Variants in SRD5A1 observed in about 807,000 individuals in gnomAD.
The protein encoded by SRD5A1 is 3-oxo-5-alpha-steroid 4-dehydrogenase 1.
Under a neutral mutation model 28.2 loss-of-function variants are expected in SRD5A1, and 22 were observed. The ratio of observed to expected loss-of-function variants is 0.78; its 90% CI spans 0.56 to 1.12. The LOEUF is 1.12. Ranked by LOEUF, SRD5A1 falls within the 50% of genes most tolerant of loss-of-function variation. The pLI is 0.00. For synonymous variants in SRD5A1, 151 were observed against 135.0 expected, an observed-to-expected ratio of 1.12 and a Z score of -0.82; for missense variants, 300 against 346.7, an observed-to-expected ratio of 0.87 and a Z score of 1.07.
At chr5:6,641,220 C>T (rs1002173127) in intron 1 of SRD5A1, among the ~76,000 whole-genome samples, 19 of 152,174 alleles carry the variant, frequency 1.2e-4, no homozygotes, top group Non-Finnish European at 1.2e-4. Flanking sequence ...CAAGTGCTGT[C>T]GTCCCTCTAG....
At chr5:6,633,905 C>G (rs780507880) in intron 1 of SRD5A1, 36 bp downstream of exon 1, 14 of 1,590,354 alleles carry the variant, frequency 8.8e-6, no homozygotes, top group Non-Finnish European at 1.2e-5. Context: ...TACCCTACTC[C>G]CGGCCCGGCG....
intron 3 of SRD5A1, among the ~76,000 whole-genome samples, chr5:6,659,235 C>T (rs922032711): frequency 4.3e-4 from 65 of 151,982 alleles, no homozygotes; most frequent in Non-Finnish European, 2.6e-4. Context: ...TGCCTCAGCC[C>T]CCCGAGTAGC....
At chr5:6,637,633 T>C (rs895667581) in intron 1 of SRD5A1, among the ~76,000 whole-genome samples, 1 of 152,224 alleles carries the variant, frequency 6.6e-6, no homozygotes, top group Non-Finnish European at 1.5e-5. Flanking sequence ...CAGGGGATTG[T>C]CTCTGCATTG....
At chr5:6,640,661 C>T (rs1046534765) in intron 1 of SRD5A1, among the ~76,000 whole-genome samples, 3 of 152,054 alleles carry the variant, frequency 2.0e-5, no homozygotes, top group Admixed American at 6.6e-5. Flanking sequence ...CAGGCCAAAG[C>T]CTTGTTCTTT....
At chr5:6,649,044 C>T (rs761684395) in intron 1 of SRD5A1, among the ~76,000 whole-genome samples, 12 of 152,168 alleles carry the variant, frequency 7.9e-5, no homozygotes, top group Non-Finnish European at 1.5e-4. Flanking sequence ...CTGGGTATCA[C>T]CAGTGGAGGC....
intron 2 of SRD5A1, 117 bp from the exon 3 acceptor site, chr5:6,655,961 G>C (rs981901200): frequency 1.1e-5 from 8 of 740,298 alleles, no homozygotes; most frequent in Non-Finnish European, 1.8e-5. Flanking sequence ...TGGCTAATAT[G>C]TTACACTAAC....
At position 6,633,856 on chromosome 5, in the gene SRD5A1, C is replaced by A; in HGVS notation, c.280C>A (p.His94Asn). Residue 94 changes from histidine to asparagine, a missense_variant, in exon 1 of 5, where the codon CAC (histidine) becomes AAC (asparagine). His to Asn is a moderately conservative substitution (Grantham distance 68). This residue lies in a region of SRD5A1 where 174 missense variants were observed against 160.9 expected (regional missense o/e 1.08). Transcript: ENST00000274192. ...NCILLAMFLV[H>N]YGHRCLIYPF... ...CATCCTCCTGGCCATGTTCCTCGTCCACTACGGGCATCGGTAACGTCCCCG... is the reference window on the plus strand; with the variant it reads ...CATCCTCCTGGCCATGTTCCTCGTCAACTACGGGCATCGGTAACGTCCCCG... The A allele has an allele frequency of 6.3e-7, 1 of 1,597,142 alleles. No individual in the cohort carries two copies. Among genetic ancestry groups the A allele is most frequent in the Non-Finnish European group, 8.5e-7 (1 of 1,179,392 alleles).
Position 6,649,746 on chromosome 5 carries a change from G to A in SRD5A1, c.294-2096G>A, listed in dbSNP as rs1024796653. Among the ~76,000 whole-genome samples, 25 of 152,232 alleles carry A rather than the reference G, an allele frequency of 1.6e-4. No homozygotes were observed. In the Middle Eastern group the frequency reaches 0.01, roughly 62 times the overall value. ...GCGATGCCCCACCCTGCTTCGGCTCGCCCTCCGTGGGCTGCACCCACTGTC... is the reference window on the plus strand; with the variant it reads ...GCGATGCCCCACCCTGCTTCGGCTCACCCTCCGTGGGCTGCACCCACTGTC... On this transcript the variant is annotated intron_variant, in intron 1 of 4. Coordinates refer to ENST00000274192, the MANE Select transcript of SRD5A1 (RefSeq NM_001047.4).
chr5:6,635,077 C>T (rs972114954), intron 1 of SRD5A1, among the ~76,000 whole-genome samples: 1 of 152,226 alleles, frequency 6.6e-6, no homozygotes, highest in Non-Finnish European at 1.5e-5. Context: ...TCTTCTTTCT[C>T]CTGGTGTCAT....
chr5:6,645,760 A>G (rs1363319956), intron 1 of SRD5A1, among the ~76,000 whole-genome samples: 2 of 152,002 alleles, frequency 1.3e-5, no homozygotes, highest in African/African-American at 4.8e-5. Flanking sequence ...CCTTTGTGTC[A>G]TTGTGGCCAG....
chr5:6,644,598 AG>A (rs1358103881), intron 1 of SRD5A1, among the ~76,000 whole-genome samples: 2 of 152,000 alleles, frequency 1.3e-5, no homozygotes, highest in Non-Finnish European at 2.9e-5. Context: ...TGGTACACTG[AG>A]GGGTAGAGTG....
chr5:6,659,589 C>T (rs75718097), intron 3 of SRD5A1, among the ~76,000 whole-genome samples: 2,630 of 152,260 alleles, frequency 0.017, 34 homozygotes, highest in Non-Finnish European at 0.027. Flanking sequence ...GACACAAGAG[C>T]GTCTGCCGTT....
At chr5:6,635,685 A>G (rs1335829218) in intron 1 of SRD5A1, among the ~76,000 whole-genome samples, 2 of 152,230 alleles carry the variant, frequency 1.3e-5, no homozygotes, top group African/African-American at 4.8e-5. Flanking sequence ...ACATCCAGAC[A>G]TGTACTCTGT....
intron 1 of SRD5A1, among the ~76,000 whole-genome samples, chr5:6,634,073 T>C (rs565266715): frequency 6.6e-6 from 1 of 152,238 alleles, no homozygotes; most frequent in South Asian, 2.1e-4. Context: ...CAGAAGGGAT[T>C]CGTCTGGAAA....
intron 1 of SRD5A1, among the ~76,000 whole-genome samples, chr5:6,651,391 C>G (rs535657709): frequency 6.6e-6 from 1 of 152,270 alleles, no homozygotes; most frequent in Admixed American, 6.5e-5. Context: ...GATACAGTGG[C>G]TCACGCCTAT....
At chr5:6,655,891 A>G (rs540155039) in intron 2 of SRD5A1, among the ~76,000 whole-genome samples, 187 bp from the exon 3 acceptor site, 1 of 152,338 alleles carries the variant, frequency 6.6e-6, no homozygotes, top group East Asian at 1.9e-4. Flanking sequence ...TATTATTAGG[A>G]AAACAAAGCC....
At chr5:6,649,616 C>T (rs1244813113) in intron 1 of SRD5A1, among the ~76,000 whole-genome samples, 5 of 152,222 alleles carry the variant, frequency 3.3e-5, no homozygotes, top group African/African-American at 7.2e-5. Flanking sequence ...ATGAGAAAAG[C>T]GCAGTGTCTG....
Position 6,651,830 on chromosome 5 carries a change from T to A in SRD5A1, c.294-12T>A. 6.3e-7 allele frequency: 1 copy of A among 1,578,534 alleles called. No individual in the cohort carries two copies. The highest frequency in any genetic ancestry group is 1.2e-5 in the South Asian group (1 of 86,794). On this transcript the variant is annotated splice_polypyrimidine_tract_variant and intron_variant, in intron 1 of 4. Transcript: ENST00000274192. ...TTTTTTAAAAAATTGTGCCTGTTTCTTGTTTCCTAAGGTGCTTAATTTACC... is the reference window on the plus strand; with the variant it reads ...TTTTTTAAAAAATTGTGCCTGTTTCATGTTTCCTAAGGTGCTTAATTTACC...
intron 1 of SRD5A1, among the ~76,000 whole-genome samples, chr5:6,637,535 T>C (rs1232713669): frequency 2.0e-5 from 3 of 152,190 alleles, no homozygotes; most frequent in Admixed American, 6.5e-5. Context: ...GCTCTTTCTC[T>C]CCACCCACGC....
Sources: gnomAD v4.1 joint callset for allele counts (sites outside exome capture counted in the v4.1 genomes callset) on GRCh38, gnomAD v4.1.1 for gene constraint, gnomAD v4.1.1 regional missense constraint, MANE v1.5 for transcripts, NCBI Gene and HGNC (gene_info 2026-07-23, HGNC 2026-07-21) for gene names.